The following PTCD2 variants were observed in gnomAD, a reference collection of about 807,000 sequenced individuals.
The protein encoded by PTCD2 is pentatricopeptide repeat domain 2, also known as pentatricopeptide repeat-containing protein 2, mitochondrial.
PTCD2 carries 31 observed loss-of-function variants against 42.6 expected under a neutral mutation model. The ratio of observed to expected loss-of-function variants is 0.73; its 90% confidence interval spans 0.55 to 0.98. PTCD2 has a LOEUF of 0.98. PTCD2 is among the 50% of genes least tolerant of loss of function. The probability of loss-of-function intolerance (pLI) is 0.00; values close to 1 mark genes in which losing one functional copy is unlikely to be tolerated. For synonymous variants in PTCD2, 183 were observed against 170.9 expected, an observed-to-expected ratio of 1.07 and a Z score of -0.55; for missense variants, 476 against 454.8, an observed-to-expected ratio of 1.05 and a Z score of -0.42.
intron 1 of PTCD2, among the ~76,000 whole-genome samples, chr5:72,321,578 T>C (rs934218489): frequency 6.6e-6 from 1 of 152,238 alleles, no homozygotes; most frequent in East Asian, 1.9e-4. Flanking sequence ...TTTTATCTCA[T>C]GCACAGCCAA....
intron 8 of PTCD2, among the ~76,000 whole-genome samples, chr5:72,346,785 G>C (rs142530308): frequency 3.0e-4 from 46 of 152,298 alleles, no homozygotes; most frequent in African/African-American, 1.0e-3. Flanking sequence ...CATCTATCAT[G>C]ATGGGACAGA....
In PTCD2 at chr5:72,320,413, C is replaced by T. The variant is rs774020494; in HGVS notation, c.31C>T (p.Arg11Trp). ...CCGAGACAGTATGGCTGCTGCATTT[C>T]GGCCCTCGAATCGAGTTCTCCTGCA... MVRDSMAAAF[R>W]PSNRVLLQAL... The change falls in exon 1 of 10, where the codon CGG (arginine) becomes TGG (tryptophan). Residue 11 changes from arginine (R) to tryptophan (W), a missense_variant. Transcript: ENST00000380639. 1 of 1,614,170 alleles carries T rather than the reference C, an allele frequency of 6.2e-7. No homozygotes were observed. The highest frequency in any genetic ancestry group is 1.1e-5 in the South Asian group (1 of 91,066).
At chr5:72,350,288 A>G (rs1752558730) in intron 8 of PTCD2, among the ~76,000 whole-genome samples, 1 of 140,964 alleles carries the variant, frequency 7.1e-6, no homozygotes, top group South Asian at 2.3e-4. Flanking sequence ...ACAGAGAAAT[A>G]AAGGACAATT....
chr5:72,329,630 TC>T (rs1751326945), intron 3 of PTCD2, among the ~76,000 whole-genome samples: 1 of 152,236 alleles, frequency 6.6e-6, no homozygotes. Flanking sequence ...GAAGATGTTT[TC>T]CTTAGCATGC....
intron 3 of PTCD2, among the ~76,000 whole-genome samples, chr5:72,330,320 G>A (rs1751378920): frequency 6.6e-6 from 1 of 152,094 alleles, no homozygotes. Flanking sequence ...TGTAGTATAT[G>A]CATTTAGAAT....
intron 4 of PTCD2, among the ~76,000 whole-genome samples, chr5:72,331,872 A>G (rs1348975386): frequency 2.0e-5 from 3 of 152,230 alleles, no homozygotes; most frequent in African/African-American, 4.8e-5. Context: ...AATATTTACT[A>G]TGTCTTCAGC....
At chr5:72,337,000 G>A (rs1458847591) in intron 6 of PTCD2, among the ~76,000 whole-genome samples, 1 of 152,060 alleles carries the variant, frequency 6.6e-6, no homozygotes, top group East Asian at 1.9e-4. Flanking sequence ...GGGGATAGCT[G>A]GGTTATAGTG....
At chr5:72,354,141 C>T (rs986110133) in intron 9 of PTCD2, among the ~76,000 whole-genome samples, 1 of 152,050 alleles carries the variant, frequency 6.6e-6, no homozygotes, top group African/African-American at 2.4e-5. Context: ...TGCGGTGGCT[C>T]ATGCCTATAA....
In PTCD2 at chr5:72,368,092, A is replaced by G. The variant is rs908992000; in HGVS notation, c.*9665A>G. 2.6e-5 allele frequency: 4 copies of G among 152,200 alleles called. No homozygotes were observed. Among genetic ancestry groups the G allele is most frequent in the African/African-American group, 7.2e-5 (3 of 41,524 alleles). The allele number at this position is 152,200 out of a possible 1,614,324, so 9.4% of individuals were successfully genotyped here. On this transcript the variant is annotated 3_prime_UTR_variant, in exon 10 of 10. Transcript: ENST00000380639. Reference sequence around the variant, plus strand: ...AAAATCCCTTTTTCTTCTCTAAACTATCTCAATTCCACATTTCACTTTGCA... The same window carrying G: ...AAAATCCCTTTTTCTTCTCTAAACTGTCTCAATTCCACATTTCACTTTGCA...
chr5:72,365,385 C>T lies in PTCD2; in HGVS notation c.*6958C>T, dbSNP rs1488349811. On this transcript the variant is annotated 3_prime_UTR_variant, in exon 10 of 10. Coordinates refer to ENST00000380639, the MANE Select transcript of PTCD2 (RefSeq NM_024754.5). ...ATGCTCACCCAGAAGAGCACAGCAT[C>T]ACCCTGTCTTTCAATCCCCAAAGTA... 1 of 152,200 alleles carries T rather than the reference C, an allele frequency of 6.6e-6. No individual in the cohort carries two copies. Among genetic ancestry groups the T allele is most frequent in the East Asian group, 1.9e-4 (1 of 5,202 alleles). The allele number at this position is 152,200 out of a possible 1,614,324, so 9.4% of individuals were successfully genotyped here.
At chr5:72,335,477 A>C in intron 5 of PTCD2, 1 of 225,966 alleles carries the variant, frequency 4.4e-6, no homozygotes, top group Non-Finnish European at 8.4e-6. Flanking sequence ...AAAAAAAATG[A>C]TTCTTATATC....
intron 3 of PTCD2, among the ~76,000 whole-genome samples, chr5:72,330,122 A>G (rs1161810665): frequency 2.0e-5 from 3 of 149,588 alleles, no homozygotes; most frequent in Admixed American, 1.3e-4. Flanking sequence ...TTGTATTTTC[A>G]GTAGAGACGG....
chr5:72,344,389 G>A (rs1455248986), intron 8 of PTCD2, among the ~76,000 whole-genome samples: 1 of 152,152 alleles, frequency 6.6e-6, no homozygotes, highest in Non-Finnish European at 1.5e-5. Flanking sequence ...GCACTTGCCT[G>A]TAGGTCCCAG....
chr5:72,326,641 C>G lies in PTCD2; in HGVS notation c.250C>G (p.Leu84Val), dbSNP rs752579737. ...GTATTTTAGAAACTTGAAAAAGAAA[C>G]TGACCCAGAACAAGCTCATCTTGAA... ...ETYFRNLKKK[L>V]TQNKLILKGE... Residue 84 changes from leucine (L) to valine (V), a missense_variant, in exon 3 of 10, where the codon CTG (leucine) becomes GTG (valine). Leu to Val is a conservative substitution (Grantham distance 32). Coordinates refer to ENST00000380639, the MANE Select transcript of PTCD2 (RefSeq NM_024754.5). 6.2e-7 allele frequency: 1 copy of G among 1,614,150 alleles called. No individual in the cohort carries two copies. Among genetic ancestry groups the G allele is most frequent in the African/African-American group, 1.3e-5 (1 of 75,046 alleles).
At position 72,363,865 on chromosome 5, in the gene PTCD2, C is replaced by T. The variant is rs1427964924; in HGVS notation, c.*5438C>T. ...ACTACATGAGACTTGACTAAAATAA[C>T]CCACAATTCAAATTTCCTTCATAAC... On this transcript the variant is annotated 3_prime_UTR_variant, in exon 10 of 10. Transcript: ENST00000380639. 2 of 152,070 alleles carry T rather than the reference C, an allele frequency of 1.3e-5. No individual in the cohort carries two copies. Among genetic ancestry groups the T allele is most frequent in the Non-Finnish European group, 2.9e-5 (2 of 67,980 alleles). The allele number at this position is 152,070 out of a possible 1,614,324, so 9.4% of individuals were successfully genotyped here. A position where few individuals can be genotyped will look rare whatever the true frequency, so the allele number is the denominator to read the frequency against.
chr5:72,349,482 C>T (rs1392175238), intron 8 of PTCD2, among the ~76,000 whole-genome samples: 1 of 152,130 alleles, frequency 6.6e-6, no homozygotes, highest in Non-Finnish European at 1.5e-5. Context: ...CTCTACCACA[C>T]TATGATATCC....
intron 8 of PTCD2, among the ~76,000 whole-genome samples, chr5:72,345,315 T>C (rs1371284861): frequency 6.6e-6 from 1 of 152,242 alleles, no homozygotes; most frequent in East Asian, 1.9e-4. Flanking sequence ...TTATCTCTCT[T>C]GTTCCCTAAA....
intron 3 of PTCD2, 49 bp from the exon 4 acceptor site, chr5:72,331,208 CT>C (rs1751423069): frequency 4.9e-6 from 6 of 1,217,924 alleles, no homozygotes; most frequent in African/African-American, 4.5e-5. Context: ...TGTGTCTGTC[CT>C]TTTTCCTGTG....
In PTCD2 at chr5:72,343,046, T is replaced by C; in HGVS notation, c.828+10T>C. ...CTGCATTAATTTAAATGTAAGTGAT[T>C]TCTTTATGGTTTAAGGTAAGCCTTG... On this transcript the variant is annotated intron_variant, in intron 8 of 9. Transcript: ENST00000380639. 6.7e-7 allele frequency: 1 copy of C among 1,487,642 alleles called. No individual in the cohort carries two copies. Among genetic ancestry groups the C allele is most frequent in the East Asian group, 2.3e-5 (1 of 43,120 alleles). The allele number at this position is 1,487,642 out of a possible 1,614,324, so 92.2% of individuals were successfully genotyped here.
Sources: allele counts gnomAD v4.1 joint callset (sites outside exome capture counted in the v4.1 genomes callset), GRCh38; gene constraint gnomAD v4.1.1; transcripts MANE v1.5; gene names NCBI Gene and HGNC (gene_info 2026-07-23, HGNC 2026-07-21).